The following ZNF517 variants were observed in gnomAD, a reference collection of about 807,000 sequenced individuals.
The protein encoded by ZNF517 is zinc finger protein 517.
ZNF517 carries 12 observed loss-of-function variants against 12.1 expected under a neutral mutation model. That is an observed-to-expected ratio of 0.99 (90% CI 0.63 to 1.61). The LOEUF (loss-of-function observed/expected upper bound fraction) is 1.61. ZNF517 is among the 40% of genes most tolerant of loss of function. The pLI, the probability that ZNF517 is intolerant of heterozygous loss-of-function variation, is 0.00. For missense variants in ZNF517, 781 were observed against 693.2 expected, an observed-to-expected ratio of 1.13 and a Z score of -1.42; for synonymous variants, 388 against 310.2, an observed-to-expected ratio of 1.25 and a Z score of -2.63.
At chr8:144,812,150 T>G (rs1385971287), downstream of ZNF517, among the ~76,000 whole-genome samples, 1 of 131,278 alleles carries the variant, frequency 7.6e-6, no homozygotes, top group Non-Finnish European at 1.6e-5. Context: ...TGAGACAGGG[T>G]GGGAGAGACA....
At chr8:144,812,030 A>G (rs1827572543), downstream of ZNF517, among the ~76,000 whole-genome samples, 1 of 139,412 alleles carries the variant, frequency 7.2e-6, no homozygotes, top group African/African-American at 2.9e-5. Context: ...ACCGACAGTA[A>G]AGCTCAGCCA....
Position 144,808,261 on chromosome 8 carries a change from G to A in ZNF517, c.1345G>A (p.Glu449Lys), listed in dbSNP as rs931635267. The change falls in exon 5 of 5, where the codon GAG becomes AAG. Residue 449 changes from glutamate to lysine, a missense_variant. Physicochemically the swap from Glu to Lys is moderately conservative, Grantham distance 56 (BLOSUM62 1). Coordinates refer to ENST00000359971, the MANE Select transcript of ZNF517 (RefSeq NM_213605.3). ...LNEHYRLHSGERPYRCRACGR... is the reference protein window; with the variant it reads ...LNEHYRLHSGKRPYRCRACGR... ...CGAGCACTACCGGCTCCACAGCGGC[G>A]AGAGGCCATACCGGTGCCGCGCCTG... 9.4e-6 allele frequency: 15 copies of A among 1,589,980 alleles called. No individual in the cohort carries two copies. In the African/African-American group the frequency reaches 1.1e-4, roughly 11 times the overall value.
Position 144,807,428 on chromosome 8 carries a change from T to C in ZNF517, c.512T>C (p.Val171Ala), listed in dbSNP as rs1331993263. The C allele has an allele frequency of 6.4e-7, 1 of 1,570,234 alleles. No homozygotes were observed. Among genetic ancestry groups the C allele is most frequent in the African/African-American group, 1.4e-5 (1 of 73,552 alleles). The change falls in exon 5 of 5, where the codon GTG becomes GCG. Residue 171 changes from valine (V) to alanine (A), a missense_variant. Coordinates refer to ENST00000359971, the MANE Select transcript of ZNF517 (RefSeq NM_213605.3). The stretch of plus-strand genomic sequence containing the variant: ...CTGCAGGAAGACCTGGGCCGGCCTG[T>C]GGGGAGCTCAGCCCCCCGCTACAGG... Reference protein sequence around the residue: ...RVLQEDLGRPVGSSAPRYRCV... With the variant: ...RVLQEDLGRPAGSSAPRYRCV...
intron 4 of ZNF517, among the ~76,000 whole-genome samples, chr8:144,806,008 T>C (rs1827210231): frequency 1.5e-5 from 2 of 130,480 alleles, no homozygotes; most frequent in Non-Finnish European, 3.0e-5. Flanking sequence ...CTATAATCTC[T>C]TTCTAGTATA....
chr8:144,811,423 C>G (rs924523796), downstream of ZNF517, among the ~76,000 whole-genome samples: 1 of 151,070 alleles, frequency 6.6e-6, no homozygotes, highest in Non-Finnish European at 1.5e-5. Flanking sequence ...GTGCAGACTG[C>G]AGCCTGGAAG....
In ZNF517 at chr8:144,800,990, C is replaced by T. The variant is rs180987407; in HGVS notation, c.-45-1880C>T. Among the ~76,000 whole-genome samples, 153 of 152,238 alleles carry T rather than the reference C, an allele frequency of 1.0e-3. 2 individuals carry two copies. The highest frequency in any genetic ancestry group is 3.4e-3 in the Middle Eastern group (1 of 294). On this transcript the variant is annotated intron_variant, in intron 1 of 4. Transcript: ENST00000359971. Reference sequence around the variant, plus strand: ...GATTACAGGTGCGTACCAGCACACTCGGCTAATTTTTGTATTTTTCGTAGA... The same window carrying T: ...GATTACAGGTGCGTACCAGCACACTTGGCTAATTTTTGTATTTTTCGTAGA...
At chr8:144,800,746 GC>G (rs776812030) in intron 1 of ZNF517, 1 of 959,364 alleles carries the variant, frequency 1.0e-6, no homozygotes, top group Non-Finnish European at 1.2e-6. Flanking sequence ...CACCCCCATC[GC>G]CCTTCGTACC....
chr8:144,813,173 G>A (rs1044080309), downstream of ZNF517, among the ~76,000 whole-genome samples: 2 of 151,692 alleles, frequency 1.3e-5, no homozygotes, highest in Non-Finnish European at 2.9e-5. Context: ...AAAATTAGCC[G>A]GGCCTGGTGG....
rs1330586001 is a variant in ZNF517, at chr8:144,802,547, A to T, written c.-45-323A>T. Among the ~76,000 whole-genome samples the T allele has an allele frequency of 3.3e-5, 5 of 152,282 alleles. 1 individual carries two copies. In the South Asian group the frequency reaches 1.0e-3, roughly 32 times the overall value. On this transcript the variant is annotated intron_variant, in intron 1 of 4. Coordinates refer to ENST00000359971, the MANE Select transcript of ZNF517 (RefSeq NM_213605.3). ...AGGAGCAAGGAAGTTAACTTGTCTTATGTCAGATGGCATAGTGCTATGGAG... is the reference window on the plus strand; with the variant it reads ...AGGAGCAAGGAAGTTAACTTGTCTTTTGTCAGATGGCATAGTGCTATGGAG...
At chr8:144,800,199 C>G (rs1402771144) in intron 1 of ZNF517, among the ~76,000 whole-genome samples, 1 of 152,026 alleles carries the variant, frequency 6.6e-6, no homozygotes, top group East Asian at 1.9e-4. Flanking sequence ...GGTCCTTCAT[C>G]TAAAATTAGC....
downstream of ZNF517, among the ~76,000 whole-genome samples, chr8:144,812,746 AG>A (rs775703371): frequency 1.9e-4 from 29 of 152,234 alleles, no homozygotes; most frequent in Non-Finnish European, 2.5e-4. Context: ...TAGCCAGAGC[AG>A]CCTGGTAAGA....
At position 144,803,683 on chromosome 8, in the gene ZNF517, A is replaced by G; in HGVS notation, c.76A>G (p.Ile26Val). Residue 26 changes from isoleucine (I) to valine (V), a missense_variant, in exon 3 of 5, where the codon ATA becomes GTA. Transcript: ENST00000359971. ...FEDVAVYFTR[I>V]EWSCLAPDQQ... is the part of the protein sequence containing the mutation. ...GGATGTGGCTGTGTACTTCACAAGG[A>G]TAGAGTGGAGTTGCCTGGCCCCCGA... 1 of 1,614,116 alleles carries G rather than the reference A, an allele frequency of 6.2e-7. No homozygotes were observed. Among genetic ancestry groups the G allele is most frequent in the East Asian group, 2.2e-5 (1 of 44,876 alleles).
chr8:144,808,005 G>A lies in ZNF517; in HGVS notation c.1089G>A (p.Ala363=), dbSNP rs375325085. The A allele has an allele frequency of 3.0e-5, 47 of 1,569,536 alleles. No homozygotes were observed. The highest frequency in any genetic ancestry group is 4.0e-5 in the Non-Finnish European group (46 of 1,158,046). Residue 363 remains alanine (A), a synonymous_variant, in exon 5 of 5, where the codon GCG becomes GCA. Transcript: ENST00000359971. ...ALLGAAQRPQ[A]GDPPHECPVC... ...TCGGAGCTGCGCAGAGGCCCCAGGC[G>A]GGGGACCCGCCCCACGAGTGCCCGG...
chr8:144,800,403 G>A (rs117470815), intron 1 of ZNF517: 11,248 of 867,164 alleles, frequency 0.013, 137 homozygotes, highest in Admixed American at 0.072. Flanking sequence ...GCACTCCCTA[G>A]ACATGAGCAA....
Position 144,808,060 on chromosome 8 carries a change from C to T in ZNF517, c.1144C>T (p.Leu382=), listed in dbSNP as rs555454885. 8 of 1,602,324 alleles carry T rather than the reference C, an allele frequency of 5.0e-6. No homozygotes were observed. The South Asian group carries it at 8.9e-5, about 18-fold the overall frequency. The change falls in exon 5 of 5, where the codon CTG becomes TTG. Residue 382 remains leucine, a synonymous_variant. Transcript: ENST00000359971. ...CGGGAGGCCGTTCCGACACAACTCC[C>T]TGCTGCTGCTGCACCTGCGCCTACA... ...VCGRPFRHNS[L]LLLHLRLHTG... is the part of the protein sequence containing the mutation.
chr8:144,803,448 C>T (rs1447074296), intron 2 of ZNF517, 193 bp from the exon 3 acceptor site: 2 of 672,880 alleles, frequency 3.0e-6, no homozygotes, highest in Non-Finnish European at 4.8e-6. Context: ...TTTCCCTCTT[C>T]CTCTCTGGGG....
chr8:144,807,139 T>C, intron 4 of ZNF517, 52 bp from the exon 5 acceptor site: 2 of 1,502,326 alleles, frequency 1.3e-6, no homozygotes. Context: ...AAGAAGTTCG[T>C]TTGTGAGTGT....
Position 144,809,890 on chromosome 8 carries a change from TA to T in ZNF517, c.*1499del. On this transcript the variant is annotated 3_prime_UTR_variant, in exon 5 of 5. Transcript: ENST00000359971. ...AACATGGTGAGACCCCCGTCTCTAC[TA>T]AAAGTACAAAAAGTAGCTGGGTGTG... 2.9e-6 allele frequency: 1 copy of T among 341,742 alleles called. No individual in the cohort carries two copies. Among genetic ancestry groups the T allele is most frequent in the Non-Finnish European group, 5.3e-6 (1 of 188,726 alleles). The allele number at this position is 341,742 out of a possible 1,614,324, so 21.2% of individuals were successfully genotyped here.
chr8:144,799,300 G>A (rs796192083), intron 1 of ZNF517, among the ~76,000 whole-genome samples: 9 of 152,322 alleles, frequency 5.9e-5, no homozygotes, highest in African/African-American at 2.2e-4. Flanking sequence ...CTTCCCGGCA[G>A]CCTCGCTCCC....
Sources: allele counts gnomAD v4.1 joint callset (sites outside exome capture counted in the v4.1 genomes callset), GRCh38; gene constraint gnomAD v4.1.1; transcripts MANE v1.5; gene names NCBI Gene and HGNC (gene_info 2026-07-23, HGNC 2026-07-21).